The following MTHFD1L variants were observed in gnomAD, a reference collection of about 807,000 sequenced individuals.
MTHFD1L encodes the protein monofunctional C1-tetrahydrofolate synthase, mitochondrial.
In MTHFD1L, 81 loss-of-function variants were observed where a neutral mutation model predicts 119.5. The observed-to-expected ratio is 0.68, with a 90% CI of 0.57 to 0.82. The LOEUF is 0.82. MTHFD1L is among the 40% of genes least tolerant of loss of function. The pLI is 0.00. For synonymous variants in MTHFD1L, 430 were observed against 475.2 expected, an observed-to-expected ratio of 0.90 and a Z score of 1.24; for missense variants, 1,125 against 1,253.4, an observed-to-expected ratio of 0.90 and a Z score of 1.55.
intron 26 of MTHFD1L, among the ~76,000 whole-genome samples, chr6:151,072,373 A>C (rs1010719521): frequency 2.0e-5 from 3 of 152,144 alleles, no homozygotes; most frequent in African/African-American, 7.2e-5. Flanking sequence ...GCTTCTCATA[A>C]TGTTACACTT....
chr6:150,934,534 A>G (rs1252744929), intron 11 of MTHFD1L, among the ~76,000 whole-genome samples: 1 of 152,236 alleles, frequency 6.6e-6, no homozygotes, highest in Non-Finnish European at 1.5e-5. Context: ...TTTTGTCCCC[A>G]GCGTCTAGCT....
intron 7 of MTHFD1L, among the ~76,000 whole-genome samples, chr6:150,901,318 A>T (rs1462710965): frequency 6.6e-6 from 1 of 152,186 alleles, no homozygotes; most frequent in Non-Finnish European, 1.5e-5. Context: ...AAAATATTTA[A>T]AAAACAAAAT....
chr6:150,922,322 T>C lies in MTHFD1L; in HGVS notation c.1082+20T>C, dbSNP rs1462500102. ...GCCAAGGTAACACTGGTGTTTTATT[T>C]ACACTGATGTCAGCTCAGCACAGTG... On this transcript the variant is annotated intron_variant, in intron 10 of 27. Transcript: ENST00000367321. 1.3e-6 allele frequency: 2 copies of C among 1,597,920 alleles called. No homozygotes were observed. The highest frequency in any genetic ancestry group is 1.7e-6 in the Non-Finnish European group (2 of 1,165,448).
intron 7 of MTHFD1L, among the ~76,000 whole-genome samples, chr6:150,893,968 G>A (rs1334280351): frequency 1.3e-5 from 2 of 152,190 alleles, no homozygotes; most frequent in Non-Finnish European, 2.9e-5. Context: ...TGTGGGCCGG[G>A]TGCAGTGGTT....
chr6:151,056,582 G>A (rs1237382381), intron 26 of MTHFD1L, among the ~76,000 whole-genome samples: 1 of 152,194 alleles, frequency 6.6e-6, no homozygotes, highest in Non-Finnish European at 1.5e-5. Flanking sequence ...GTGTGGAATT[G>A]CCTTCAGCGA....
chr6:150,997,919 C>T (rs543028799), intron 20 of MTHFD1L, among the ~76,000 whole-genome samples: 30 of 152,276 alleles, frequency 2.0e-4, no homozygotes, highest in African/African-American at 3.6e-4. Flanking sequence ...TGTGAGAAAC[C>T]GGTAGGTCTA....
Position 150,869,492 on chromosome 6 carries a change from C to T in MTHFD1L, c.227+3443C>T, listed in dbSNP as rs554101667. 2.0e-5 allele frequency among the ~76,000 whole-genome samples: 3 copies of T among 152,234 alleles called. No individual in the cohort carries two copies. The East Asian group carries it at 5.8e-4, about 29-fold the overall frequency. On this transcript the variant is annotated intron_variant, in intron 1 of 27. Coordinates refer to ENST00000367321, the MANE Select transcript of MTHFD1L (RefSeq NM_015440.5). ...GTTTCCAGCTTCTTCCATGTCCCTG[C>T]AGAGGACATGAACTCATGCTTTCTT...
chr6:150,951,201 TTCGTATTTTTAGTAGAGATGGGGTTTCA>T (rs1794833373), intron 16 of MTHFD1L, among the ~76,000 whole-genome samples: 1 of 151,606 alleles, frequency 6.6e-6, no homozygotes, highest in Non-Finnish European at 1.5e-5. Flanking sequence ...TCAGCTAATT[TTCGTATTTTTAGTAGAGATGGGGTTTCA>T]TCATGCTGCC....
At chr6:151,046,255 T>C (rs1357024417) in intron 26 of MTHFD1L, among the ~76,000 whole-genome samples, 1 of 151,958 alleles carries the variant, frequency 6.6e-6, no homozygotes, top group South Asian at 2.1e-4. Flanking sequence ...TGTGTATTAG[T>C]TCTGATTTTT....
At chr6:151,057,499 G>T (rs910081226) in intron 26 of MTHFD1L, 17 of 233,108 alleles carry the variant, frequency 7.3e-5, no homozygotes, top group African/African-American at 4.0e-4. Context: ...GGGCTCAGTG[G>T]TGTGCACCTG....
intron 26 of MTHFD1L, among the ~76,000 whole-genome samples, chr6:151,079,812 T>G (rs1375735164): frequency 1.3e-5 from 2 of 151,536 alleles, no homozygotes; most frequent in African/African-American, 4.9e-5. Flanking sequence ...TGTTGCATAG[T>G]AAGCCCTAAA....
intron 1 of MTHFD1L, among the ~76,000 whole-genome samples, chr6:150,871,772 G>A (rs1779566750): frequency 6.6e-6 from 1 of 151,310 alleles, no homozygotes; most frequent in Non-Finnish European, 1.5e-5. Flanking sequence ...AAACTGCTGG[G>A]ATTACAGGTG....
chr6:150,994,076 A>AGG (rs1253650361), intron 20 of MTHFD1L, among the ~76,000 whole-genome samples: 1 of 140,616 alleles, frequency 7.1e-6, no homozygotes, highest in African/African-American at 3.1e-5. Flanking sequence ...AAAAAAAAAA[A>AGG]AAAAGAAAGA....
chr6:150,867,927 A>G (rs980480177), intron 1 of MTHFD1L, among the ~76,000 whole-genome samples: 9 of 150,548 alleles, frequency 6.0e-5, no homozygotes, highest in Admixed American at 5.3e-4. Context: ...CCTCCCGAGT[A>G]GCTGGGATTA....
At chr6:151,019,827 T>G (rs1288212770) in intron 24 of MTHFD1L, among the ~76,000 whole-genome samples, 3 of 152,176 alleles carry the variant, frequency 2.0e-5, no homozygotes, top group Admixed American at 2.0e-4. Context: ...AAATCTGAAT[T>G]CATTGGTGCA....
At chr6:150,894,531 A>G (rs1043243421) in intron 7 of MTHFD1L, among the ~76,000 whole-genome samples, 1 of 152,170 alleles carries the variant, frequency 6.6e-6, no homozygotes, top group Non-Finnish European at 1.5e-5. Flanking sequence ...GTAGATTATT[A>G]TCAACTTTAA....
At chr6:151,023,418 C>T (rs1310831028) in intron 24 of MTHFD1L, among the ~76,000 whole-genome samples, 1 of 152,096 alleles carries the variant, frequency 6.6e-6, no homozygotes, top group Non-Finnish European at 1.5e-5. Context: ...GATGCTTCTC[C>T]AACACTGGCT....
intron 5 of MTHFD1L, 36 bp downstream of exon 5, chr6:150,882,922 C>A: frequency 1.3e-6 from 2 of 1,531,526 alleles, no homozygotes; most frequent in African/African-American, 1.4e-5. Context: ...ACCTTTATGG[C>A]TAAATCACTT....
intron 27 of MTHFD1L, among the ~76,000 whole-genome samples, chr6:151,098,089 T>G (rs36030957): frequency 0.32 from 48,736 of 151,798 alleles, 8,338 homozygotes; most frequent in Middle Eastern, 0.46. Flanking sequence ...CAGGCAAATC[T>G]CTTGAACCCA....
Sources: allele counts gnomAD v4.1 joint callset (sites outside exome capture counted in the v4.1 genomes callset), GRCh38; gene constraint gnomAD v4.1.1; transcripts MANE v1.5; gene names NCBI Gene and HGNC (gene_info 2026-07-23, HGNC 2026-07-21).